NRXN3: variants seen among roughly 807,000 people sequenced by gnomAD.
NRXN3 encodes the protein neurexin III.
NRXN3 carries 32 observed loss-of-function variants against 137.6 expected under a neutral mutation model. The observed-to-expected ratio is 0.23, with a 90% CI of 0.18 to 0.31. The LOEUF is 0.31. Ranked by LOEUF, NRXN3 falls within the 10% of genes least tolerant of loss-of-function variation. The pLI is 1.00. For synonymous variants in NRXN3, 798 were observed against 784.5 expected (o/e 1.02, Z -0.29); for missense variants, 1,574 against 2,062.5 (o/e 0.76, Z 4.59).
At chr14:79,391,168 T>TA (rs200842360) in intron 15 of NRXN3, among the ~76,000 whole-genome samples, 37 of 149,336 alleles carry the variant, frequency 2.5e-4, no homozygotes, top group South Asian at 4.2e-4. Flanking sequence ...TGGCCTACAT[T>TA]AAAAAAAAAA....
intron 16 of NRXN3, among the ~76,000 whole-genome samples, chr14:79,577,687 A>G (rs916251663): frequency 6.6e-6 from 1 of 152,206 alleles, no homozygotes; most frequent in African/African-American, 2.4e-5. Context: ...TGTGTTATTT[A>G]TCTATGTGTC....
At chr14:79,414,032 A>T (rs2095460132) in intron 15 of NRXN3, among the ~76,000 whole-genome samples, 1 of 151,880 alleles carries the variant, frequency 6.6e-6, no homozygotes, top group Admixed American at 6.6e-5. Context: ...CCCCAAATGT[A>T]TTTCAATCAA....
chr14:78,983,237 G>A (rs1190239309), intron 14 of NRXN3, among the ~76,000 whole-genome samples: 2 of 152,188 alleles, frequency 1.3e-5, no homozygotes, highest in Non-Finnish European at 2.9e-5. Context: ...ACAGAATGGA[G>A]GTTCCTCAGA....
chr14:78,806,032 C>T (rs546627694), intron 9 of NRXN3, among the ~76,000 whole-genome samples: 1 of 146,964 alleles, frequency 6.8e-6, no homozygotes, highest in Non-Finnish European at 1.5e-5. Context: ...ATGTGCTTTT[C>T]CAATAGACTT....
At chr14:79,365,178 TC>T in intron 15 of NRXN3, among the ~76,000 whole-genome samples, 1 of 152,088 alleles carries the variant, frequency 6.6e-6, no homozygotes, top group East Asian at 1.9e-4. Flanking sequence ...GGTAGAGAAT[TC>T]TGAGTTCTGT....
chr14:78,815,404 G>A (rs2098928867), intron 10 of NRXN3, among the ~76,000 whole-genome samples: 1 of 148,282 alleles, frequency 6.7e-6, no homozygotes, highest in Non-Finnish European at 1.5e-5. Flanking sequence ...TATGATATCT[G>A]CAAATTTTAT....
intron 5 of NRXN3, among the ~76,000 whole-genome samples, chr14:78,650,826 C>A (rs1229146413): frequency 1.3e-5 from 2 of 152,144 alleles, no homozygotes; most frequent in Non-Finnish European, 2.9e-5. Flanking sequence ...AATAAACAAT[C>A]ATTTTAGCAA....
intron 16 of NRXN3, among the ~76,000 whole-genome samples, chr14:79,478,130 A>T (rs1158421416): frequency 6.6e-6 from 1 of 150,962 alleles, no homozygotes; most frequent in East Asian, 1.9e-4. Context: ...CTCAAGGGAG[A>T]TGAATAGGAA....
chr14:78,904,203 G>A (rs1302522496), intron 10 of NRXN3, among the ~76,000 whole-genome samples: 1 of 151,964 alleles, frequency 6.6e-6, no homozygotes, highest in Non-Finnish European at 1.5e-5. Context: ...CTCAACCAGG[G>A]GCAATTTTTC....
At chr14:79,257,376 G>GTGA (rs2076743192) in intron 15 of NRXN3, among the ~76,000 whole-genome samples, 1 of 103,350 alleles carries the variant, frequency 9.7e-6, no homozygotes, top group African/African-American at 3.8e-5. Context: ...GGTGGTGGTG[G>GTGA]TGGTGGTGGT....
intron 15 of NRXN3, among the ~76,000 whole-genome samples, chr14:79,040,360 T>A (rs753736792): frequency 6.6e-6 from 1 of 152,158 alleles, no homozygotes; most frequent in Non-Finnish European, 1.5e-5. Context: ...CTAAGAAAAG[T>A]TTGTTACATG....
chr14:79,742,123 CAG>C (rs1364203034), intron 19 of NRXN3, among the ~76,000 whole-genome samples: 2 of 151,946 alleles, frequency 1.3e-5, no homozygotes, highest in African/African-American at 4.8e-5. Flanking sequence ...GTGTGGCAGA[CAG>C]AAAAATGTAT....
At chr14:79,308,533 A>G (rs755147991) in intron 15 of NRXN3, among the ~76,000 whole-genome samples, 2 of 152,164 alleles carry the variant, frequency 1.3e-5, no homozygotes, top group Non-Finnish European at 2.9e-5. Flanking sequence ...ATATATTTTT[A>G]TAAACTATTC....
At chr14:78,791,875 A>T (rs1256272551) in intron 8 of NRXN3, among the ~76,000 whole-genome samples, 9 of 152,178 alleles carry the variant, frequency 5.9e-5, no homozygotes, top group Admixed American at 2.6e-4. Context: ...AGCTACAGAA[A>T]AAAAGTGTAT....
At chr14:79,839,096 T>C (rs995977778) in intron 20 of NRXN3, among the ~76,000 whole-genome samples, 2 of 152,080 alleles carry the variant, frequency 1.3e-5, no homozygotes, top group Non-Finnish European at 2.9e-5. Context: ...AGACAGGTTG[T>C]TTCAACATTT....
intron 2 of NRXN3, among the ~76,000 whole-genome samples, chr14:78,248,217 G>A (rs1232087017): frequency 6.6e-6 from 1 of 151,514 alleles, no homozygotes. Flanking sequence ...GTGAAGTGTC[G>A]TGGTGGGTGT....
At chr14:79,067,256 A>T (rs1329757270) in intron 15 of NRXN3, among the ~76,000 whole-genome samples, 2 of 152,018 alleles carry the variant, frequency 1.3e-5, no homozygotes, top group Non-Finnish European at 2.9e-5. Flanking sequence ...TGTTAATATG[A>T]TGTATCACAT....
At position 78,926,819 on chromosome 14, in the gene NRXN3, AT is replaced by A. The variant is rs1245369397; in HGVS notation, c.2276-30421del. Among the ~76,000 whole-genome samples the A allele has an allele frequency of 3.0e-4, 15 of 49,432 alleles. 1 individual carries two copies. Among genetic ancestry groups the A allele is most frequent in the South Asian group, 4.6e-4 (1 of 2,178 alleles). The allele number at this position is 49,432 out of a possible 152,430, so 32.4% of individuals were successfully genotyped here. ...TATTATATATTTATATATATTATAT[AT>A]TATATATAATTTATATAAATATATA... On this transcript the variant is annotated intron_variant, in intron 10 of 20. Transcript: ENST00000335750.
At chr14:79,796,532 A>G (rs2099161471) in intron 19 of NRXN3, among the ~76,000 whole-genome samples, 2 of 152,090 alleles carry the variant, frequency 1.3e-5, no homozygotes, top group Admixed American at 1.3e-4. Flanking sequence ...TGGGGGGAAA[A>G]AAAAATTAAA....
Sources: allele counts gnomAD v4.1 joint callset (sites outside exome capture counted in the v4.1 genomes callset), GRCh38; gene constraint gnomAD v4.1.1; transcripts MANE v1.5; gene names NCBI Gene and HGNC (gene_info 2026-07-23, HGNC 2026-07-21).